The following CA12 variants were observed in gnomAD, a reference collection of about 807,000 sequenced individuals.
CA12 encodes carbonic anhydrase 12, also known as carbonate dehydratase XII.
CA12 carries 36 observed loss-of-function variants against 46.8 expected under a neutral mutation model. The ratio of observed to expected loss-of-function variants is 0.77; its 90% confidence interval spans 0.59 to 1.02. The LOEUF is 1.02. CA12 is among the 50% of genes least tolerant of loss of function. CA12 has a pLI of 0.00. For synonymous variants in CA12, 202 were observed against 187.0 expected (o/e 1.08, Z -0.65); for missense variants, 436 against 451.4 (o/e 0.97, Z 0.31).
In CA12 at chr15:63,339,405, T is replaced by C. The variant is rs1356529618; in HGVS notation, c.748-460A>G. Reference sequence around the variant, plus strand: ...GTTTCACAGGCCATCTGATTGCGGGTTCCATGGCATTTTCATGCACCTGCA... The same window carrying C: ...GTTTCACAGGCCATCTGATTGCGGGCTCCATGGCATTTTCATGCACCTGCA... On this transcript the variant is annotated intron_variant, in intron 7 of 10. Transcript: ENST00000178638. The surrounding 1 kb of genome is among the most constrained non-coding windows in gnomAD (Gnocchi z 4.3). Among the ~76,000 whole-genome samples the C allele has an allele frequency of 1.3e-5, 2 of 152,130 alleles. No homozygotes were observed. Among genetic ancestry groups the C allele is most frequent in the African/African-American group, 4.8e-5 (2 of 41,418 alleles).
At chr15:63,362,594 G>T (rs937301806) in intron 2 of CA12, among the ~76,000 whole-genome samples, 5 of 152,154 alleles carry the variant, frequency 3.3e-5, no homozygotes, top group Non-Finnish European at 7.4e-5. Flanking sequence ...CCCAAAGAGG[G>T]GATCTGATAA....
chr15:63,335,287 G>A (rs1427992221), intron 8 of CA12, among the ~76,000 whole-genome samples: 1 of 152,022 alleles, frequency 6.6e-6, no homozygotes, highest in African/African-American at 2.4e-5. Flanking sequence ...GGTGTAGCTG[G>A]ACTATAAACC....
intron 2 of CA12, among the ~76,000 whole-genome samples, chr15:63,350,954 C>G (rs2039221166): frequency 6.6e-6 from 1 of 152,178 alleles, no homozygotes. Context: ...CATAAGGGCT[C>G]TTAAAACCAC....
Position 63,340,813 on chromosome 15 carries a change from G to T in CA12, c.526-30C>A. On this transcript the variant is annotated intron_variant, in intron 5 of 10. Transcript: ENST00000178638. This position sits in a 1 kb window ranked among gnomAD's most constrained non-coding sequence, Gnocchi z 4.4. ...AACAGAGACAGGGCAGGTTAAACTG[G>T]GACAGAACAGGATAGGCTGAGCCAG... The T allele has an allele frequency of 2.5e-6, 4 of 1,597,626 alleles. No homozygotes were observed. Among genetic ancestry groups the T allele is most frequent in the Middle Eastern group, 1.7e-4 (1 of 6,024 alleles).
In CA12 at chr15:63,352,939, G is replaced by A. The variant is rs1449067593; in HGVS notation, c.107-6230C>T. 2.0e-5 allele frequency among the ~76,000 whole-genome samples: 3 copies of A among 152,054 alleles called. No homozygotes were observed. In the East Asian group the frequency reaches 5.8e-4, roughly 29 times the overall value. On this transcript the variant is annotated intron_variant, in intron 2 of 10. Transcript: ENST00000178638. ...AACGAGTACTCAAATGTTGAATGAAGGAGAAAAATCTCTAAATGCTCTCCT... is the reference window on the plus strand; with the variant it reads ...AACGAGTACTCAAATGTTGAATGAAAGAGAAAAATCTCTAAATGCTCTCCT...
rs2039043674 is a variant in CA12, at chr15:63,339,179, G to A, written c.748-234C>T. ...TATCTTCCCAGCACCCGAGACTTCA[G>A]GGAAAGGCAGTGCTGTTAGTTTCCA... On this transcript the variant is annotated intron_variant, in intron 7 of 10. Transcript: ENST00000178638. This position sits in a 1 kb window ranked among gnomAD's most constrained non-coding sequence, Gnocchi z 4.3. 1.3e-5 allele frequency among the ~76,000 whole-genome samples: 2 copies of A among 152,134 alleles called. No individual in the cohort carries two copies.
At chr15:63,370,442 C>CA (rs58832010) in intron 2 of CA12, among the ~76,000 whole-genome samples, 3,454 of 78,946 alleles carry the variant, frequency 0.044, 99 homozygotes, top group South Asian at 0.16. Flanking sequence ...AGCCCTGTCT[C>CA]AAAAAAAAAA....
Position 63,327,141 on chromosome 15 carries a change from C to A in CA12, c.992+8G>T. On this transcript the variant is annotated splice_region_variant and intron_variant, in intron 10 of 10. Transcript: ENST00000178638. This position sits in a 1 kb window ranked among gnomAD's most constrained non-coding sequence, Gnocchi z 4.5. ...GTCCATTCCCATTTTGGACCCAAAC[C>A]AGCTCACCTCTTCCTTCTGAAAAGC... 1 of 1,613,316 alleles carries A rather than the reference C, an allele frequency of 6.2e-7. No homozygotes were observed. Among genetic ancestry groups the A allele is most frequent in the Non-Finnish European group, 8.5e-7 (1 of 1,179,340 alleles).
chr15:63,345,695 C>T lies in CA12; in HGVS notation c.287-76G>A. The stretch of plus-strand genomic sequence containing the variant: ...CCAGAGAGCAGTCAGGTAGGCAATG[C>T]TCCCTCCACCCCTGCTGCCACCCCC... On this transcript the variant is annotated intron_variant, in intron 3 of 10. Transcript: ENST00000178638. This position sits in a 1 kb window ranked among gnomAD's most constrained non-coding sequence, Gnocchi z 4.3. The T allele has an allele frequency of 6.5e-7, 1 of 1,536,242 alleles. No homozygotes were observed. The highest frequency in any genetic ancestry group is 8.8e-7 in the Non-Finnish European group (1 of 1,140,648).
Position 63,321,823 on chromosome 15 carries a change from G to C in CA12, c.*4462C>G, listed in dbSNP as rs1218609016. 2.0e-5 allele frequency: 3 copies of C among 152,330 alleles called. No individual in the cohort carries two copies. The highest frequency in any genetic ancestry group is 7.2e-5 in the African/African-American group (3 of 41,458). The allele number at this position is 152,330 out of a possible 1,614,324, so 9.4% of individuals were successfully genotyped here. ...ATTCACTCCCGACCGCGGGGACCTG[G>C]GGCACAGCCGGGCCCACTGCGGCGA... On this transcript the variant is annotated 3_prime_UTR_variant, in exon 11 of 11. Transcript: ENST00000178638. The surrounding 1 kb of genome is among the most constrained non-coding windows in gnomAD (Gnocchi z 4.5).
chr15:63,362,822 GTTC>G (rs909140526), intron 2 of CA12, among the ~76,000 whole-genome samples: 3 of 152,134 alleles, frequency 2.0e-5, no homozygotes, highest in East Asian at 3.9e-4. Context: ...CTTTTTCATA[GTTC>G]TTCTTAAACC....
At chr15:63,336,529 C>T (rs2039006047) in intron 8 of CA12, among the ~76,000 whole-genome samples, 1 of 149,502 alleles carries the variant, frequency 6.7e-6, no homozygotes, top group Non-Finnish European at 1.5e-5. Context: ...ATGAGATCAC[C>T]TAATCCAACC....
At chr15:63,337,938 A>T (rs1043839453) in intron 8 of CA12, among the ~76,000 whole-genome samples, 2 of 152,108 alleles carry the variant, frequency 1.3e-5, no homozygotes, top group African/African-American at 4.8e-5. Context: ...AACTGCACAG[A>T]CCAGCCATGA....
At chr15:63,337,541 C>A (rs1349536616) in intron 8 of CA12, among the ~76,000 whole-genome samples, 1 of 151,994 alleles carries the variant, frequency 6.6e-6, no homozygotes, top group Non-Finnish European at 1.5e-5. Flanking sequence ...ATTGCAACCT[C>A]TGCCTCCTGG....
Position 63,329,678 on chromosome 15 carries a change from C to T in CA12, c.875-1548G>A, listed in dbSNP as rs184998510. 1.3e-5 allele frequency among the ~76,000 whole-genome samples: 2 copies of T among 152,176 alleles called. No homozygotes were observed. Among genetic ancestry groups the T allele is most frequent in the African/African-American group, 4.8e-5 (2 of 41,440 alleles). Reference sequence around the variant, plus strand: ...GCCACCCAGCCTGACACAGAAGATCCTGTGCCCATAGAACCCACAGTGGTG... The same window carrying T: ...GCCACCCAGCCTGACACAGAAGATCTTGTGCCCATAGAACCCACAGTGGTG... On this transcript the variant is annotated intron_variant, in intron 8 of 10. Transcript: ENST00000178638. The surrounding 1 kb of genome is among the most constrained non-coding windows in gnomAD (Gnocchi z 4.8).
chr15:63,376,566 CTT>C (rs780641458), intron 1 of CA12, among the ~76,000 whole-genome samples: 1 of 108,652 alleles, frequency 9.2e-6, no homozygotes, highest in Non-Finnish European at 1.9e-5. Flanking sequence ...TCCTTTCTTT[CTT>C]TCTTTCTTTC....
rs898812125 is a variant in CA12 at position 63,378,205 on chromosome 15, T to C, written c.86-2527A>G. Among the ~76,000 whole-genome samples, 1 of 152,136 alleles carries C rather than the reference T, an allele frequency of 6.6e-6. No individual in the cohort carries two copies. Among genetic ancestry groups the C allele is most frequent in the Non-Finnish European group, 1.5e-5 (1 of 68,038 alleles). On this transcript the variant is annotated intron_variant, in intron 1 of 10. Transcript: ENST00000178638. The surrounding 1 kb of genome is among the most constrained non-coding windows in gnomAD (Gnocchi z 4.8). ...GAGTTCGAGACCAGCCTGGCCAACA[T>C]GGTGAAACCCTGTCTCTACTAAAAA...
At chr15:63,371,750 C>T (rs886606053) in intron 2 of CA12, among the ~76,000 whole-genome samples, 24 of 152,214 alleles carry the variant, frequency 1.6e-4, no homozygotes, top group African/African-American at 5.8e-4. Context: ...AACACCACGC[C>T]CATTCTCAGC....
In CA12 at chr15:63,359,214, A is replaced by G. The variant is rs372640365; in HGVS notation, c.107-12505T>C. On this transcript the variant is annotated intron_variant, in intron 2 of 10. Transcript: ENST00000178638. ...CCCTTTGGATAATCCATGGGATCCT[A>G]AAACCAGATGTGGCTGGAAGGGGAC... Among the ~76,000 whole-genome samples, 8 of 152,208 alleles carry G rather than the reference A, an allele frequency of 5.3e-5. No individual in the cohort carries two copies. In the South Asian group the frequency reaches 1.2e-3, roughly 24 times the overall value.
Sources: gnomAD v4.1 joint callset for allele counts (sites outside exome capture counted in the v4.1 genomes callset) on GRCh38, gnomAD v4.1.1 for gene constraint, Gnocchi (gnomAD v3.1) non-coding constraint, MANE v1.5 for transcripts, NCBI Gene and HGNC (gene_info 2026-07-23, HGNC 2026-07-21) for gene names.